ANO3: variants seen among roughly 807,000 people sequenced by gnomAD.
ANO3 encodes the protein anoctamin 3, also known as anoctamin-3.
In ANO3, 99 loss-of-function variants were observed where a neutral mutation model predicts 144.8. The observed-to-expected ratio is 0.68, with a 90% confidence interval of 0.58 to 0.81. The LOEUF is 0.81. Ranked by LOEUF, ANO3 falls within the 30% of genes least tolerant of loss-of-function variation. The pLI is 0.00. For missense variants in ANO3, 905 were observed against 1,202.2 expected, an observed-to-expected ratio of 0.75 and a Z score of 3.66; for synonymous variants, 414 against 392.6, an observed-to-expected ratio of 1.05 and a Z score of -0.64.
At chr11:26,633,791 C>T (rs1479628587) in intron 18 of ANO3, among the ~76,000 whole-genome samples, 1 of 152,052 alleles carries the variant, frequency 6.6e-6, no homozygotes, top group African/African-American at 2.4e-5. Context: ...AACTAAAAAA[C>T]TTGGCAAGGC....
At chr11:26,358,622 C>A (rs10834970) in intron 1 of ANO3, among the ~76,000 whole-genome samples, 77,540 of 151,822 alleles carry the variant, frequency 0.51, 20,489 homozygotes, top group East Asian at 0.62. Flanking sequence ...TTTGGAGTTT[C>A]TTAGCCTTCT....
chr11:26,437,613 T>C (rs1025170154), intron 1 of ANO3, among the ~76,000 whole-genome samples: 1 of 121,326 alleles, frequency 8.2e-6, no homozygotes, highest in Non-Finnish European at 1.7e-5. Context: ...TTCTATTTCT[T>C]TCCACGAGAG....
At chr11:26,536,598 C>T (rs373534) in intron 9 of ANO3, among the ~76,000 whole-genome samples, 1 of 151,642 alleles carries the variant, frequency 6.6e-6, no homozygotes, top group Non-Finnish European at 1.5e-5. Flanking sequence ...GATGTCTTAG[C>T]GTTTATAATT....
At chr11:26,231,197 C>T (rs1852391704) in intron 1 of ANO3, among the ~76,000 whole-genome samples, 1 of 152,114 alleles carries the variant, frequency 6.6e-6, no homozygotes, top group Non-Finnish European at 1.5e-5. Context: ...TTTTTGTATT[C>T]CTCTGAACAG....
At chr11:26,257,779 G>T (rs1414960783) in intron 1 of ANO3, among the ~76,000 whole-genome samples, 1 of 135,454 alleles carries the variant, frequency 7.4e-6, no homozygotes, top group Non-Finnish European at 1.6e-5. Flanking sequence ...GGAAAACAAA[G>T]ATAAGCGACA....
At chr11:26,350,082 G>A (rs183196145) in intron 1 of ANO3, among the ~76,000 whole-genome samples, 4 of 151,742 alleles carry the variant, frequency 2.6e-5, no homozygotes, top group African/African-American at 9.7e-5. Context: ...GGAACGGAAG[G>A]GGGAGAAGAA....
chr11:26,402,530 C>G (rs533123196), intron 1 of ANO3, among the ~76,000 whole-genome samples: 1 of 151,832 alleles, frequency 6.6e-6, no homozygotes, highest in African/African-American at 2.4e-5. Flanking sequence ...GGATGTTAGA[C>G]TTTTGTTGGA....
At chr11:26,567,210 C>T in intron 14 of ANO3, 1 of 992,052 alleles carries the variant, frequency 1.0e-6, no homozygotes, top group South Asian at 4.5e-5. Flanking sequence ...CTAAAATTTG[C>T]AGTGCTTTTA....
chr11:26,646,192 T>C (rs1853340339), intron 23 of ANO3, among the ~76,000 whole-genome samples: 1 of 152,142 alleles, frequency 6.6e-6, no homozygotes, highest in Non-Finnish European at 1.5e-5. Flanking sequence ...TTTTTCTTCA[T>C]GAACATTCTC....
intron 1 of ANO3, among the ~76,000 whole-genome samples, chr11:26,241,304 AG>A (rs1852660464): frequency 6.6e-6 from 1 of 152,150 alleles, no homozygotes. Flanking sequence ...ATACAATCCT[AG>A]TAGTGGACAT....
intron 4 of ANO3, 147 bp from the exon 5 acceptor site, chr11:26,507,957 T>C: frequency 1.4e-6 from 1 of 697,074 alleles, no homozygotes; most frequent in Non-Finnish European, 2.2e-6. Flanking sequence ...GTAAACACTC[T>C]TTAATTCTAT....
chr11:26,426,740 A>C (rs1161228663), intron 1 of ANO3, among the ~76,000 whole-genome samples: 1 of 152,206 alleles, frequency 6.6e-6, no homozygotes, highest in Non-Finnish European at 1.5e-5. Flanking sequence ...ATGATGTTAG[A>C]AAACAAAAAT....
At chr11:26,196,322 T>C (rs929659054) in intron 1 of ANO3, among the ~76,000 whole-genome samples, 2 of 152,182 alleles carry the variant, frequency 1.3e-5, no homozygotes, top group Non-Finnish European at 2.9e-5. Context: ...TTCTTCTATT[T>C]GTCCTGCAGA....
intron 1 of ANO3, among the ~76,000 whole-genome samples, chr11:26,282,016 T>C (rs1406251570): frequency 6.6e-6 from 1 of 152,206 alleles, no homozygotes; most frequent in Non-Finnish European, 1.5e-5. Context: ...CGACACACTG[T>C]TTATTCTTGG....
chr11:26,387,547 C>A (rs1466126340), intron 1 of ANO3, among the ~76,000 whole-genome samples: 3 of 151,940 alleles, frequency 2.0e-5, no homozygotes, highest in Non-Finnish European at 4.4e-5. Flanking sequence ...GTTGCCTGTT[C>A]ATCTTTCTGA....
intron 1 of ANO3, among the ~76,000 whole-genome samples, chr11:26,378,719 G>GC (rs1856487351): frequency 6.6e-6 from 1 of 151,930 alleles, no homozygotes; most frequent in Non-Finnish European, 1.5e-5. Context: ...ACCAGTAAAG[G>GC]CTGATGATAT....
chr11:26,592,001 A>G (rs1565127932), intron 14 of ANO3, among the ~76,000 whole-genome samples: 1 of 152,146 alleles, frequency 6.6e-6, no homozygotes, highest in Non-Finnish European at 1.5e-5. Flanking sequence ...GACTAATACC[A>G]TGTCACCAGG....
At chr11:26,492,330 C>G (rs1480316008) in intron 4 of ANO3, among the ~76,000 whole-genome samples, 1 of 152,110 alleles carries the variant, frequency 6.6e-6, no homozygotes. Flanking sequence ...TCTGATTTTT[C>G]TTATATTTTT....
At chr11:26,223,913 T>A (rs567919422) in intron 1 of ANO3, among the ~76,000 whole-genome samples, 1 of 152,236 alleles carries the variant, frequency 6.6e-6, no homozygotes, top group South Asian at 2.1e-4. Flanking sequence ...TATAAGGGAT[T>A]TTCCCCCATG....
Sources: gnomAD v4.1 joint callset for allele counts (sites outside exome capture counted in the v4.1 genomes callset) on GRCh38, gnomAD v4.1.1 for gene constraint, MANE v1.5 for transcripts, NCBI Gene and HGNC (gene_info 2026-07-23, HGNC 2026-07-21) for gene names.